CREB5: variants seen among roughly 807,000 people sequenced by gnomAD.
The protein encoded by CREB5 is cAMP responsive element binding protein 5.
A neutral mutation model predicts 57.1 loss-of-function variants in CREB5; 19 were observed. That is an observed-to-expected ratio of 0.33 (90% confidence interval 0.23 to 0.49). The LOEUF is 0.49. CREB5 is among the 20% of genes least tolerant of loss of function. The probability of loss-of-function intolerance (pLI) is 0.99; values close to 1 mark genes in which losing one functional copy is unlikely to be tolerated. For missense variants in CREB5, 579 were observed against 671.6 expected (o/e 0.86, Z 1.52); for synonymous variants, 238 against 238.3 (o/e 1.00, Z 0.01).
At chr7:28,561,011 T>TGCGTGCGTGCGTGCGTGCGTGC (rs1280116550) in intron 4 of CREB5, among the ~76,000 whole-genome samples, 2 of 48,026 alleles carry the variant, frequency 4.2e-5, no homozygotes, top group Non-Finnish European at 7.4e-5. Context: ...TGTGCGTGTG[T>TGCGTGCGTGCGTGCGTGCGTGC]GTGTGCGTGT....
chr7:28,366,318 A>G (rs566163730), intron 1 of CREB5, among the ~76,000 whole-genome samples: 1 of 152,352 alleles, frequency 6.6e-6, no homozygotes, highest in South Asian at 2.1e-4. Flanking sequence ...TAAACATTAT[A>G]GATTACAAAT....
At chr7:28,663,753 ATC>A (rs1183727917) in intron 5 of CREB5, among the ~76,000 whole-genome samples, 1 of 152,180 alleles carries the variant, frequency 6.6e-6, no homozygotes, top group Non-Finnish European at 1.5e-5. Context: ...GATTCTAATC[ATC>A]TCTGTTTACA....
chr7:28,319,942 A>T (rs1562655107), intron 1 of CREB5, among the ~76,000 whole-genome samples: 3 of 152,090 alleles, frequency 2.0e-5, no homozygotes, highest in Admixed American at 6.5e-5. Context: ...TTTTAAAAAA[A>T]TTTTTTGAGA....
At chr7:28,479,352 A>C (rs149591) in intron 1 of CREB5, among the ~76,000 whole-genome samples, 144,490 of 152,210 alleles carry the variant, frequency 0.95, 68,624 homozygotes, top group African/African-American at 0.99. Context: ...ATAATAGCAG[A>C]CAATAATTGG....
intron 1 of CREB5, among the ~76,000 whole-genome samples, chr7:28,372,348 T>C (rs1004098576): frequency 3.9e-5 from 6 of 152,196 alleles, no homozygotes; most frequent in Admixed American, 3.3e-4. Context: ...GGCCAAGTAA[T>C]AATGGAGACG....
chr7:28,718,651 T>C lies in CREB5; in HGVS notation c.465-102T>C, dbSNP rs1038775829. ...GTGACTCTCCCATCAGTGGATCTGATCTGCTGCACATGTGACATTGTTGTC... is the reference window on the plus strand; with the variant it reads ...GTGACTCTCCCATCAGTGGATCTGACCTGCTGCACATGTGACATTGTTGTC... On this transcript the variant is annotated intron_variant, in intron 5 of 10. Coordinates refer to ENST00000357727, the MANE Select transcript of CREB5 (RefSeq NM_182898.4). 6.0e-6 allele frequency: 9 copies of C among 1,491,616 alleles called. No individual in the cohort carries two copies. The Admixed American group carries it at 1.8e-4, about 29-fold the overall frequency. The allele number at this position is 1,491,616 out of a possible 1,614,324, so 92.4% of individuals were successfully genotyped here. A position where few individuals can be genotyped will look rare whatever the true frequency, so the allele number is the denominator to read the frequency against.
At chr7:28,757,098 T>C (rs898150172) in intron 7 of CREB5, among the ~76,000 whole-genome samples, 1 of 152,218 alleles carries the variant, frequency 6.6e-6, no homozygotes. Flanking sequence ...TACTGTTACA[T>C]AGTATTTCCC....
intron 1 of CREB5, among the ~76,000 whole-genome samples, chr7:28,386,770 T>G (rs1787112498): frequency 6.6e-6 from 1 of 152,212 alleles, no homozygotes; most frequent in Admixed American, 6.5e-5. Context: ...AATTCTTTCT[T>G]TAGTTTTGAC....
chr7:28,575,672 A>C (rs1795882696), intron 5 of CREB5, among the ~76,000 whole-genome samples: 1 of 152,186 alleles, frequency 6.6e-6, no homozygotes, highest in Non-Finnish European at 1.5e-5. Context: ...GCAGACCAGA[A>C]GTCATTATTT....
At chr7:28,555,782 G>A (rs553212308) in intron 4 of CREB5, among the ~76,000 whole-genome samples, 115 of 152,306 alleles carry the variant, frequency 7.6e-4, no homozygotes, top group Middle Eastern at 6.8e-3. Context: ...GAAAGCTCCA[G>A]CAATATGGGT....
At chr7:28,530,933 C>T (rs1179812272) in intron 4 of CREB5, among the ~76,000 whole-genome samples, 1 of 152,116 alleles carries the variant, frequency 6.6e-6, no homozygotes, top group Admixed American at 6.5e-5. Flanking sequence ...ACCTTGTGGT[C>T]GTGGAATGTA....
chr7:28,454,314 A>T (rs1789992367), intron 1 of CREB5, among the ~76,000 whole-genome samples: 1 of 152,272 alleles, frequency 6.6e-6, no homozygotes, highest in African/African-American at 2.4e-5. Context: ...CCTGTCCAAC[A>T]TGCCCTCCTC....
chr7:28,457,301 A>C (rs527798847), intron 1 of CREB5, among the ~76,000 whole-genome samples: 2 of 152,140 alleles, frequency 1.3e-5, no homozygotes, highest in Non-Finnish European at 1.5e-5. Flanking sequence ...CGCGATTATG[A>C]ATTTTACCAT....
intron 7 of CREB5, among the ~76,000 whole-genome samples, chr7:28,755,046 C>T (rs1322789370): frequency 6.6e-6 from 1 of 152,104 alleles, no homozygotes; most frequent in Non-Finnish European, 1.5e-5. Flanking sequence ...TTAACCAAAT[C>T]CTATAGAGTT....
At chr7:28,384,329 A>G (rs1787034255) in intron 1 of CREB5, among the ~76,000 whole-genome samples, 1 of 152,204 alleles carries the variant, frequency 6.6e-6, no homozygotes, top group South Asian at 2.1e-4. Context: ...TTCAAAGCTC[A>G]CAGTATGACA....
chr7:28,586,862 C>T (rs1251366820), intron 5 of CREB5, among the ~76,000 whole-genome samples: 1 of 152,214 alleles, frequency 6.6e-6, no homozygotes, highest in African/African-American at 2.4e-5. Flanking sequence ...CAAAACCACC[C>T]TTTGGTTTGG....
Position 28,494,933 on chromosome 7 carries a change from A to G in CREB5, c.103A>G (p.Ile35Val), listed in dbSNP as rs757241986. The G allele has an allele frequency of 8.7e-6, 14 of 1,607,218 alleles. No individual in the cohort carries two copies. The highest frequency in any genetic ancestry group is 1.2e-5 in the Non-Finnish European group (14 of 1,178,530). ...QRFPTEDHLM[I>V]HRHKHEMTLK... is the part of the protein sequence containing the mutation. ...CTTCCCAACAGAGGACCATCTGATGATTCATAGGCACAAACATGAAATGAC... is the reference window on the plus strand; with the variant it reads ...CTTCCCAACAGAGGACCATCTGATGGTTCATAGGCACAAACATGAAATGAC... The change falls in exon 3 of 11, where the codon ATT becomes GTT. Residue 35 changes from isoleucine to valine, a missense_variant. Physicochemically the swap from Ile to Val is conservative, Grantham distance 29. This residue lies in a region of CREB5 where 459 missense variants were observed against 515.7 expected (regional missense o/e 0.89). Transcript: ENST00000357727.
intron 4 of CREB5, among the ~76,000 whole-genome samples, chr7:28,566,817 G>C (rs1315421502): frequency 6.6e-6 from 1 of 152,224 alleles, no homozygotes; most frequent in Non-Finnish European, 1.5e-5. Flanking sequence ...GATTACAGGA[G>C]AGTTAGAATA....
chr7:28,777,150 A>G (rs1583719784), intron 7 of CREB5, among the ~76,000 whole-genome samples: 1 of 152,348 alleles, frequency 6.6e-6, no homozygotes, highest in Admixed American at 6.5e-5. Context: ...GAACCATTTT[A>G]CACAGTAGAT....
Sources: allele counts gnomAD v4.1 joint callset (sites outside exome capture counted in the v4.1 genomes callset), GRCh38; gene constraint gnomAD v4.1.1; regional missense constraint gnomAD v4.1.1; transcripts MANE v1.5; gene names NCBI Gene and HGNC (gene_info 2026-07-23, HGNC 2026-07-21).